Variants in GALNTL6 observed in about 807,000 individuals in gnomAD.
GALNTL6 encodes polypeptide N-acetylgalactosaminyltransferase like 6, also known as polypeptide N-acetylgalactosaminyltransferase-like 6.
Under a neutral mutation model 73.7 loss-of-function variants are expected in GALNTL6, and 46 were observed. The ratio of observed to expected loss-of-function variants is 0.62; its 90% CI spans 0.49 to 0.80. The LOEUF (loss-of-function observed/expected upper bound fraction) is 0.80. Among genes scored for constraint, GALNTL6 ranks in the 30% least tolerant of loss-of-function variants. The pLI, the probability that GALNTL6 is intolerant of heterozygous loss-of-function variation, is 0.00. For synonymous variants in GALNTL6, 259 were observed against 263.7 expected, an observed-to-expected ratio of 0.98 and a Z score of 0.17; for missense variants, 604 against 755.0, an observed-to-expected ratio of 0.80 and a Z score of 2.34.
intron 2 of GALNTL6, among the ~76,000 whole-genome samples, chr4:171,840,936 C>T (rs1212545860): frequency 1.3e-5 from 2 of 152,164 alleles, no homozygotes; most frequent in Admixed American, 1.3e-4. Flanking sequence ...CTATTGTTAT[C>T]TCTCAAAAGA....
chr4:172,817,705 C>G (rs2111012424), intron 7 of GALNTL6, among the ~76,000 whole-genome samples: 1 of 152,176 alleles, frequency 6.6e-6, no homozygotes, highest in South Asian at 2.1e-4. Flanking sequence ...TAGAGTGGGC[C>G]CTAAGAAATT....
chr4:172,474,705 T>C (rs764238809), intron 5 of GALNTL6, among the ~76,000 whole-genome samples: 9 of 152,196 alleles, frequency 5.9e-5, no homozygotes, highest in Non-Finnish European at 1.3e-4. Flanking sequence ...AAAAGGAATA[T>C]AATATTTATA....
At chr4:172,269,592 C>T (rs1055145337) in intron 3 of GALNTL6, among the ~76,000 whole-genome samples, 1 of 152,084 alleles carries the variant, frequency 6.6e-6, no homozygotes, top group East Asian at 1.9e-4. Context: ...CAGCTTTAAA[C>T]TGGAAGTTAC....
At chr4:172,543,615 T>G (rs1247472350) in intron 5 of GALNTL6, among the ~76,000 whole-genome samples, 1 of 152,108 alleles carries the variant, frequency 6.6e-6, no homozygotes, top group Non-Finnish European at 1.5e-5. Context: ...GAATCACAAG[T>G]TTTCAAAAGT....
rs143248431 is a variant in GALNTL6, at chr4:172,880,430, T to G, written c.924-2360T>G. Among the ~76,000 whole-genome samples the G allele has an allele frequency of 4.4e-3, 666 of 152,202 alleles. 4 individuals carry two copies. Among genetic ancestry groups the G allele is most frequent in the African/African-American group, 0.015 (626 of 41,568 alleles). ...CCAAAAAATGTATACTGTATAATTC[T>G]ATGTATATATAGTTGTAGAAAATGC... On this transcript the variant is annotated intron_variant, in intron 7 of 12. Coordinates refer to ENST00000506823, the MANE Select transcript of GALNTL6 (RefSeq NM_001034845.3).
chr4:171,875,183 G>T (rs1373318266), intron 2 of GALNTL6, among the ~76,000 whole-genome samples: 2 of 152,106 alleles, frequency 1.3e-5, no homozygotes, highest in Non-Finnish European at 2.9e-5. Flanking sequence ...GAAGTGTGGG[G>T]GTCCTTGGTT....
chr4:172,974,086 G>A (rs1453837567), intron 10 of GALNTL6, among the ~76,000 whole-genome samples: 1 of 152,204 alleles, frequency 6.6e-6, no homozygotes, highest in East Asian at 1.9e-4. Context: ...ATTGTAGGTA[G>A]CTAGGTATCA....
intron 7 of GALNTL6, among the ~76,000 whole-genome samples, chr4:172,825,059 T>TC (rs1553992642): frequency 0.012 from 1,719 of 149,020 alleles, 29 homozygotes; most frequent in African/African-American, 0.038. Flanking sequence ...CTTTTTTCTT[T>TC]TTTTTTTTTT....
Position 171,891,439 on chromosome 4 carries a change from T to C in GALNTL6, c.138+76721T>C, listed in dbSNP as rs565434099. ...CTTAATTAAGCATTTTAAAATTATT[T>C]GTATGTTGTTGTACTAATTTCTGCA... On this transcript the variant is annotated intron_variant, in intron 2 of 12. Coordinates refer to ENST00000506823, the MANE Select transcript of GALNTL6 (RefSeq NM_001034845.3). 1.4e-4 allele frequency among the ~76,000 whole-genome samples: 21 copies of C among 152,298 alleles called. 1 individual carries two copies. The highest frequency in any genetic ancestry group is 3.6e-4 in the African/African-American group (15 of 41,564).
chr4:172,115,719 C>G (rs549314771), intron 2 of GALNTL6, among the ~76,000 whole-genome samples: 1 of 151,832 alleles, frequency 6.6e-6, no homozygotes, highest in Non-Finnish European at 1.5e-5. Context: ...GCAGAAAAGA[C>G]AAATGGATCG....
intron 5 of GALNTL6, among the ~76,000 whole-genome samples, chr4:172,414,579 C>G (rs1325705836): frequency 6.6e-6 from 1 of 152,166 alleles, no homozygotes; most frequent in African/African-American, 2.4e-5. Flanking sequence ...GAGCACACTA[C>G]TCTTAGCGGC....
chr4:172,902,915 C>T (rs1011135058), intron 8 of GALNTL6, among the ~76,000 whole-genome samples: 5 of 152,130 alleles, frequency 3.3e-5, no homozygotes, highest in African/African-American at 9.7e-5. Context: ...TTTCTATCTC[C>T]GAAGGAGCTG....
chr4:172,627,100 T>G (rs981495820), intron 5 of GALNTL6, among the ~76,000 whole-genome samples: 1 of 152,240 alleles, frequency 6.6e-6, no homozygotes, highest in African/African-American at 2.4e-5. Flanking sequence ...GATTCCAGCT[T>G]TTGTCCATTC....
chr4:171,917,493 A>G (rs1737663902), intron 2 of GALNTL6, among the ~76,000 whole-genome samples: 1 of 152,092 alleles, frequency 6.6e-6, no homozygotes, highest in Admixed American at 6.6e-5. Flanking sequence ...AAGAGTGTTA[A>G]TATTTCATGT....
intron 2 of GALNTL6, among the ~76,000 whole-genome samples, chr4:172,076,189 T>C (rs922269327): frequency 3.3e-5 from 5 of 152,332 alleles, no homozygotes; most frequent in Admixed American, 2.0e-4. Flanking sequence ...CTGGTGGCTT[T>C]CATTTGCTAA....
chr4:172,573,059 A>C (rs1736824136), intron 5 of GALNTL6, among the ~76,000 whole-genome samples: 1 of 152,168 alleles, frequency 6.6e-6, no homozygotes, highest in Non-Finnish European at 1.5e-5. Flanking sequence ...TTACTATTAT[A>C]ATTACTGTAA....
At chr4:172,245,000 A>C (rs1737572540) in intron 3 of GALNTL6, among the ~76,000 whole-genome samples, 1 of 152,172 alleles carries the variant, frequency 6.6e-6, no homozygotes, top group South Asian at 2.1e-4. Context: ...TTGATCATGA[A>C]GAAACAAGAA....
chr4:172,614,254 C>G (rs2111055775), intron 5 of GALNTL6, among the ~76,000 whole-genome samples: 1 of 152,016 alleles, frequency 6.6e-6, no homozygotes. Flanking sequence ...AATAAAATGG[C>G]CTATAGAAAA....
intron 2 of GALNTL6, among the ~76,000 whole-genome samples, chr4:171,937,017 A>G (rs1738370227): frequency 6.6e-6 from 1 of 152,140 alleles, no homozygotes; most frequent in Non-Finnish European, 1.5e-5. Context: ...CAAGTACCCA[A>G]GAAAAATATC....
Sources: allele counts gnomAD v4.1 joint callset (sites outside exome capture counted in the v4.1 genomes callset), GRCh38; gene constraint gnomAD v4.1.1; transcripts MANE v1.5; gene names NCBI Gene and HGNC (gene_info 2026-07-23, HGNC 2026-07-21).